The following ZNF596 variants were observed in gnomAD, a reference collection of about 807,000 sequenced individuals.
ZNF596 encodes the protein zinc finger protein 596.
A neutral mutation model predicts 48.3 loss-of-function variants in ZNF596; 45 were observed. The observed-to-expected ratio is 0.93, with a 90% confidence interval of 0.73 to 1.19. ZNF596 has a LOEUF of 1.19. Ranked by LOEUF, ZNF596 falls within the 50% of genes most tolerant of loss-of-function variation. ZNF596 has a pLI of 0.00. For missense variants in ZNF596, 848 were observed against 599.7 expected, an observed-to-expected ratio of 1.41 and a Z score of -4.32; for synonymous variants, 270 against 202.0, an observed-to-expected ratio of 1.34 and a Z score of -2.85.
In ZNF596 at chr8:246,305, AT is replaced by A. The variant is rs1407328954; in HGVS notation, c.1464del (p.Phe488LeufsTer15). ...CPLCGKAFSKFFNLRQHERTH... is the reference protein window; with the variant it reads ...CPLCGKAFSKXFNLRQHERTH... ...CTCTATGTGGGAAAGCCTTTAGTAA[AT>A]TTTTTAACCTTAGACAACATGAGAG... On this transcript the variant is annotated frameshift_variant, in exon 6 of 6. Transcript: ENST00000398612. LOFTEE classifies it high-confidence loss of function. 1.2e-6 allele frequency: 2 copies of A among 1,606,402 alleles called. No homozygotes were observed. Among genetic ancestry groups the A allele is most frequent in the East Asian group, 4.5e-5 (2 of 44,750 alleles).
In ZNF596 at chr8:246,104, T is replaced by G; in HGVS notation, c.1257T>G (p.Tyr419Ter). Residue 419 changes from tyrosine to a stop codon, truncating the protein, a stop_gained, in exon 6 of 6, where the codon TAT becomes TAG. Coordinates refer to ENST00000398612, the MANE Select transcript of ZNF596 (RefSeq NM_001042416.3). LOFTEE classifies it high-confidence loss of function. ...HERTHTGEKP[Y>*]ECHLCGKAFN... ...GAACTCACACTGGAGAAAAACCATA[T>G]GAATGCCATCTATGCGGAAAAGCCT... The G allele has an allele frequency of 6.2e-7, 1 of 1,613,492 alleles. No homozygotes were observed. The highest frequency in any genetic ancestry group is 8.5e-7 in the Non-Finnish European group (1 of 1,179,436).
At chr8:241,367 G>C (rs1449786407) in intron 2 of ZNF596, among the ~76,000 whole-genome samples, 1 of 152,170 alleles carries the variant, frequency 6.6e-6, no homozygotes, top group Non-Finnish European at 1.5e-5. Context: ...TGTTTAACTT[G>C]AAGGGAAAGC....
chr8:234,998 G>A (rs1796565419), intron 1 of ZNF596: 1 of 152,170 alleles, frequency 6.6e-6, no homozygotes, highest in African/African-American at 2.4e-5. Flanking sequence ...AATGTGTTCT[G>A]CCCAACTGTA....
intron 1 of ZNF596, among the ~76,000 whole-genome samples, chr8:238,676 G>A (rs1410797984): frequency 2.7e-5 from 4 of 150,170 alleles, no homozygotes; most frequent in Admixed American, 2.0e-4. Flanking sequence ...TCGTGGTGAC[G>A]GGCACCTATA....
rs550115695 is a variant in ZNF596, at chr8:245,069, A to G, written c.307-85A>G. On this transcript the variant is annotated intron_variant, in intron 5 of 5. Coordinates refer to ENST00000398612, the MANE Select transcript of ZNF596 (RefSeq NM_001042416.3). Reference sequence around the variant, plus strand: ...GAGTCTACCACTGAATGATTATTCTAGAATTAATATGTAGAGAAATGAATG... The same window carrying G: ...GAGTCTACCACTGAATGATTATTCTGGAATTAATATGTAGAGAAATGAATG... 205 of 1,442,836 alleles carry G rather than the reference A, an allele frequency of 1.4e-4. No homozygotes were observed. The South Asian group carries it at 2.8e-3, about 20-fold the overall frequency. 89.4% of individuals were successfully genotyped at this position (1,442,836 alleles called of 1,614,324 possible). A position where few individuals can be genotyped will look rare whatever the true frequency, so the allele number is the denominator to read the frequency against.
At chr8:233,516 C>G (rs1224493055) in intron 1 of ZNF596, 1 of 206,262 alleles carries the variant, frequency 4.8e-6, no homozygotes, top group Admixed American at 5.7e-5. Flanking sequence ...ACAGCTTCCT[C>G]TATTCCTTTA....
intron 1 of ZNF596, chr8:233,412 T>C (rs891013112): frequency 6.9e-6 from 2 of 290,926 alleles, no homozygotes; most frequent in African/African-American, 4.6e-5. Context: ...CTTAATTGTA[T>C]ATTGAAAATA....
At chr8:241,559 G>C (rs1796855019) in intron 2 of ZNF596, among the ~76,000 whole-genome samples, 1 of 152,178 alleles carries the variant, frequency 6.6e-6, no homozygotes, top group Admixed American at 6.5e-5. Context: ...GAAGCAACTG[G>C]AGTGTTGTTT....
chr8:238,946 A>G (rs184361146), intron 1 of ZNF596, among the ~76,000 whole-genome samples: 2 of 152,146 alleles, frequency 1.3e-5, no homozygotes, highest in Admixed American at 1.3e-4. Flanking sequence ...CAACATGAGA[A>G]TATCAACAAA....
chr8:235,859 C>G (rs1035938909), intron 1 of ZNF596, among the ~76,000 whole-genome samples: 31 of 152,106 alleles, frequency 2.0e-4, no homozygotes, highest in Non-Finnish European at 4.1e-4. Context: ...TTTAAATTTC[C>G]AAATAACATA....
chr8:234,263 A>G (rs1344934657), intron 1 of ZNF596: 2 of 152,196 alleles, frequency 1.3e-5, no homozygotes, highest in Non-Finnish European at 2.9e-5. Context: ...CAGTTGATAT[A>G]CCCACAGCTG....
At chr8:239,680 G>C (rs542347975) in intron 1 of ZNF596, among the ~76,000 whole-genome samples, 4 of 152,262 alleles carry the variant, frequency 2.6e-5, no homozygotes, top group African/African-American at 9.6e-5. Flanking sequence ...CCAAGCAGTT[G>C]GGGGGTACCA....
Position 246,656 on chromosome 8 carries a change from G to A in ZNF596, c.*294G>A, listed in dbSNP as rs991369820. On this transcript the variant is annotated 3_prime_UTR_variant, in exon 6 of 6. Transcript: ENST00000398612. Reference sequence around the variant, plus strand: ...GGAGAAATCACATCACGAAAATTCTGTGCCTGTCGTCAGTGTGAAAATGCC... The same window carrying A: ...GGAGAAATCACATCACGAAAATTCTATGCCTGTCGTCAGTGTGAAAATGCC... 6 of 277,862 alleles carry A rather than the reference G, an allele frequency of 2.2e-5. No homozygotes were observed. Among genetic ancestry groups the A allele is most frequent in the Non-Finnish European group, 4.0e-5 (6 of 148,986 alleles). The allele number at this position is 277,862 out of a possible 1,614,324, so 17.2% of individuals were successfully genotyped here. A position where few individuals can be genotyped will look rare whatever the true frequency, so the allele number is the denominator to read the frequency against.
chr8:245,393 T>A lies in ZNF596; in HGVS notation c.546T>A (p.Leu182=). The A allele has an allele frequency of 3.1e-6, 5 of 1,614,166 alleles. No homozygotes were observed. The highest frequency in any genetic ancestry group is 4.2e-6 in the Non-Finnish European group (5 of 1,180,022). The change falls in exon 6 of 6, where the codon CTT becomes CTA. Residue 182 remains leucine, a synonymous_variant. Coordinates refer to ENST00000398612, the MANE Select transcript of ZNF596 (RefSeq NM_001042416.3). ...ATGCCTTTATCCAAAACTCTGCCCT[T>A]AGACCACACAGTGTGACTCACACTA... ...FDYAFIQNSA[L]RPHSVTHTRE...
chr8:237,789 G>A (rs1228339470), intron 1 of ZNF596: 1 of 152,130 alleles, frequency 6.6e-6, no homozygotes, highest in African/African-American at 2.4e-5. Flanking sequence ...AGGATTATAG[G>A]CTGGACTCCA....
At chr8:243,522 T>C in intron 3 of ZNF596, 200 bp from the exon 4 acceptor site, 2 of 449,830 alleles carry the variant, frequency 4.4e-6, no homozygotes, top group Non-Finnish European at 8.0e-6. Context: ...TCAGCAATTA[T>C]AGGTCTTTTA....
upstream of ZNF596, chr8:232,190 A>C (rs1213465441): frequency 2.6e-5 from 4 of 153,692 alleles, no homozygotes; most frequent in Non-Finnish European, 5.9e-5. Context: ...CTCCAACAGA[A>C]CCCGACGCAG....
chr8:241,283 A>G (rs561848149), intron 2 of ZNF596, among the ~76,000 whole-genome samples: 2 of 152,236 alleles, frequency 1.3e-5, no homozygotes, highest in South Asian at 2.1e-4. Flanking sequence ...GGTGGTGAAA[A>G]TAAGTGAGAG....
At chr8:236,444 T>C (rs1409487347) in intron 1 of ZNF596, among the ~76,000 whole-genome samples, 1 of 152,190 alleles carries the variant, frequency 6.6e-6, no homozygotes, top group East Asian at 1.9e-4. Context: ...TCAGGCATCA[T>C]GTGCAGTGGT....
Sources: gnomAD v4.1 joint callset for allele counts (sites outside exome capture counted in the v4.1 genomes callset) on GRCh38, gnomAD v4.1.1 for gene constraint, MANE v1.5 for transcripts, NCBI Gene and HGNC (gene_info 2026-07-23, HGNC 2026-07-21) for gene names.